SPHK2: variants seen among roughly 807,000 people sequenced by gnomAD.
The protein encoded by SPHK2 is sphingosine kinase 2.
SPHK2 carries 18 observed loss-of-function variants against 32.3 expected under a neutral mutation model. The ratio of observed to expected loss-of-function variants is 0.56; its 90% CI spans 0.39 to 0.83. The LOEUF (loss-of-function observed/expected upper bound fraction) is 0.83. Ranked by LOEUF, SPHK2 falls within the 40% of genes least tolerant of loss-of-function variation. SPHK2 has a pLI of 0.00. For synonymous variants in SPHK2, 462 were observed against 417.6 expected (o/e 1.11, Z -1.30); for missense variants, 850 against 908.7 (o/e 0.94, Z 0.83).
rs369764720 is a variant in SPHK2, at chr19:48,629,292, C to T, written c.1484C>T (p.Pro495Leu). The T allele has an allele frequency of 2.5e-6, 4 of 1,613,512 alleles. No individual in the cohort carries two copies. Among genetic ancestry groups the T allele is most frequent in the Admixed American group, 3.3e-5 (2 of 60,016 alleles). ...PVSEGAPVIP[P>L]SSGLPLPTPD... ...TCCGAAGGGGCCCCCGTAATTCCCC[C>T]ATCCTCTGGGCTCCCACTTCCCACC... The change falls in exon 7 of 7, where the codon CCA becomes CTA. Residue 495 changes from proline (P) to leucine (L), a missense_variant. Physicochemically the swap from Pro to Leu is moderately conservative, Grantham distance 98. Transcript: ENST00000245222.
chr19:48,624,870 G>C (rs1242902567), intron 2 of SPHK2: 2 of 978,114 alleles, frequency 2.0e-6, no homozygotes, highest in Non-Finnish European at 2.4e-6. Flanking sequence ...GTCCACAGGC[G>C]GTGGGGGGTG....
In SPHK2 at chr19:48,626,067, G is replaced by C; in HGVS notation, c.216G>C (p.Gln72His). ...GCTTTGCCCTCACCCTTACATCGCA[G>C]GCCCTGCACATACAGCGGCTGCGCC... ...GPRFALTLTSQALHIQRLRPK... is the reference protein window; with the variant it reads ...GPRFALTLTSHALHIQRLRPK... Residue 72 changes from glutamine (Q) to histidine (H), a missense_variant, in exon 3 of 7, where the codon CAG becomes CAC. Around this residue, in one of 2 missense-constraint regions of SPHK2, gnomAD observed 544 missense variants for 640.0 expected, o/e 0.85. Coordinates refer to ENST00000245222, the MANE Select transcript of SPHK2 (RefSeq NM_020126.5). The C allele has an allele frequency of 6.2e-7, 1 of 1,613,230 alleles. No individual in the cohort carries two copies. The highest frequency in any genetic ancestry group is 8.5e-7 in the Non-Finnish European group (1 of 1,179,796).
At position 48,627,725 on chromosome 19, in the gene SPHK2, G is replaced by C; in HGVS notation, c.545G>C (p.Arg182Pro). 6.2e-7 allele frequency: 1 copy of C among 1,611,256 alleles called. No homozygotes were observed. Among genetic ancestry groups the C allele is most frequent in the Non-Finnish European group, 8.5e-7 (1 of 1,178,498 alleles). The change falls in exon 4 of 7, where the codon CGG (arginine) becomes CCG (proline). Residue 182 changes from arginine to proline, a missense_variant. Arg to Pro is a moderately radical substitution (Grantham distance 103, BLOSUM62 -2). This residue lies in a region of SPHK2 where 544 missense variants were observed against 640.0 expected (regional missense o/e 0.85). Coordinates refer to ENST00000245222, the MANE Select transcript of SPHK2 (RefSeq NM_020126.5). Reference protein sequence around the residue: ...ITPDLLPRPPRLLLLVNPFGG... With the variant: ...ITPDLLPRPPPLLLLVNPFGG... ...CCTGACCTGCTACCTCGGCCGCCCC[G>C]GTTGCTTCTATTGGTCAATCCCTTT...
At chr19:48,621,215 G>A (rs556418093) in intron 2 of SPHK2, among the ~76,000 whole-genome samples, 2 of 152,306 alleles carry the variant, frequency 1.3e-5, no homozygotes, top group South Asian at 4.1e-4. Context: ...AAGTAGCTGG[G>A]ATTACAGGCA....
chr19:48,620,500 G>C lies in SPHK2; in HGVS notation c.-15G>C, dbSNP rs368265772. The C allele has an allele frequency of 6.2e-7, 1 of 1,612,498 alleles. No homozygotes were observed. The highest frequency in any genetic ancestry group is 1.7e-5 in the Admixed American group (1 of 59,806). ...GCCAGGGTCCCGTTGATGTAACAGA[G>C]CAGAGGACCAGCAGATGAATGGACA... On this transcript the variant is annotated 5_prime_UTR_variant, in exon 2 of 7. Transcript: ENST00000245222.
In SPHK2 at chr19:48,629,988, G is replaced by A. The variant is rs2030458025; in HGVS notation, c.*215G>A. The A allele has an allele frequency of 8.6e-6, 12 of 1,394,950 alleles. No homozygotes were observed. In the Admixed American group the frequency reaches 1.8e-4, roughly 21 times the overall value. 86.4% of individuals were successfully genotyped at this position (1,394,950 alleles called of 1,614,324 possible). A position where few individuals can be genotyped will look rare whatever the true frequency, so the allele number is the denominator to read the frequency against. On this transcript the variant is annotated 3_prime_UTR_variant, in exon 7 of 7. Coordinates refer to ENST00000245222, the MANE Select transcript of SPHK2 (RefSeq NM_020126.5). ...TGGGCTCGTCCCGAGGGTAGTGCCT[G>A]ATCAATGAGGGCGGGGCCTGGCGTC...
Position 48,625,926 on chromosome 19 carries a change from CGGGCCTA to C in SPHK2, c.78_84del (p.Pro27AlafsTer179). 1 of 1,611,618 alleles carries C rather than the reference CGGGCCTA, an allele frequency of 6.2e-7. No homozygotes were observed. The highest frequency in any genetic ancestry group is 1.1e-5 in the South Asian group (1 of 90,942). The stretch of plus-strand genomic sequence containing the variant: ...AGGAGCTGACCGGGAGCTGGGGCCA[CGGGCCTA>C]GGAGCACCCTGGTCAGGGCTAAGGC... On this transcript the variant is annotated frameshift_variant, in exon 3 of 7. Transcript: ENST00000245222. LOFTEE classifies it high-confidence loss of function.
Position 48,630,066 on chromosome 19 carries a change from G to A in SPHK2, c.*293G>A. 2 of 1,286,362 alleles carry A rather than the reference G, an allele frequency of 1.6e-6. No homozygotes were observed. The highest frequency in any genetic ancestry group is 2.0e-6 in the Non-Finnish European group (2 of 1,017,448). The allele number at this position is 1,286,362 out of a possible 1,614,324, so 79.7% of individuals were successfully genotyped here. A position where few individuals can be genotyped will look rare whatever the true frequency, so the allele number is the denominator to read the frequency against. ...GGCTCAGTCCTGACGCTTGCCACCT[G>A]CTCCTACCCGGCCAGGATGGCTGAG... On this transcript the variant is annotated 3_prime_UTR_variant, in exon 7 of 7. Transcript: ENST00000245222. The surrounding 1 kb of genome is among the most constrained non-coding windows in gnomAD (Gnocchi z 4.9).
In SPHK2 at chr19:48,626,035, G is replaced by A. The variant is rs752828820; in HGVS notation, c.184G>A (p.Gly62Ser). The change falls in exon 3 of 7, where the codon GGC (glycine) becomes AGC (serine). Residue 62 changes from glycine to serine, a missense_variant. This residue lies in a region of SPHK2 where 544 missense variants were observed against 640.0 expected (regional missense o/e 0.85). Transcript: ENST00000245222. ...CGAGTTTGGCTCCTACCCAGCCCGAGGCCCACGCTTTGCCCTCACCCTTAC... is the reference window on the plus strand; with the variant it reads ...CGAGTTTGGCTCCTACCCAGCCCGAAGCCCACGCTTTGCCCTCACCCTTAC... ...HGEFGSYPAR[G>S]PRFALTLTSQ... The A allele has an allele frequency of 9.1e-5, 147 of 1,613,370 alleles. No homozygotes were observed. Among genetic ancestry groups the A allele is most frequent in the Middle Eastern group, 8.2e-4 (5 of 6,084 alleles).
intron 2 of SPHK2, 190 bp downstream of exon 2, chr19:48,620,743 G>A (rs1206225523): frequency 9.1e-6 from 5 of 548,576 alleles, no homozygotes; most frequent in Admixed American, 6.6e-5. Flanking sequence ...GGCCAACATG[G>A]TGAAACCCCA....
At chr19:48,620,618 T>TAAAA (rs34009920) in intron 2 of SPHK2, 65 bp downstream of exon 2, 334 of 1,025,764 alleles carry the variant, frequency 3.3e-4, no homozygotes, top group East Asian at 4.3e-4. Context: ...AGCTTTTCTT[T>TAAAA]AAAAAAAAAA....
Position 48,629,793 on chromosome 19 carries a change from C to T in SPHK2, c.*20C>T, listed in dbSNP as rs1327535869. ...CCCTGAAACTAAACAAGCTTGGTAC[C>T]CGCCGGGGGCGGGGCCTACATTCCA... On this transcript the variant is annotated 3_prime_UTR_variant, in exon 7 of 7. Coordinates refer to ENST00000245222, the MANE Select transcript of SPHK2 (RefSeq NM_020126.5). The T allele has an allele frequency of 4.6e-6, 7 of 1,538,096 alleles. No individual in the cohort carries two copies. The highest frequency in any genetic ancestry group is 1.4e-5 in the African/African-American group (1 of 72,766).
rs1974615063 is a variant in SPHK2 at position 48,626,223 on chromosome 19, G to T, written c.372G>T (p.Arg124=). 6.3e-7 allele frequency: 1 copy of T among 1,595,770 alleles called. No individual in the cohort carries two copies. The highest frequency in any genetic ancestry group is 8.5e-7 in the Non-Finnish European group (1 of 1,176,696). Residue 124 remains arginine, a synonymous_variant, in exon 3 of 7, where the codon CGG becomes CGT. Coordinates refer to ENST00000245222, the MANE Select transcript of SPHK2 (RefSeq NM_020126.5). ...YFCIYTYPRG[R]RGARRRATRT... is the part of the protein sequence containing the mutation. ...GCATCTACACCTACCCTCGGGGCCG[G>T]CGCGGGGCCCGGCGCAGAGCCACTC...
chr19:48,629,674 C>A lies in SPHK2; in HGVS notation c.1866C>A (p.Asp622Glu). The change falls in exon 7 of 7, where the codon GAC becomes GAA. Residue 622 changes from aspartate to glutamate, a missense_variant. Physicochemically the swap from Asp to Glu is conservative, Grantham distance 45. Transcript: ENST00000245222. ...CACCACGCGGCGTGCTCACAGTGGA[C>A]GGGGAGCAGGTGGAGTATGGGCCGC... ...PLTPRGVLTV[D>E]GEQVEYGPLQ... 6.2e-7 allele frequency: 1 copy of A among 1,607,278 alleles called. No homozygotes were observed. Among genetic ancestry groups the A allele is most frequent in the South Asian group, 1.1e-5 (1 of 90,126 alleles).
At chr19:48,627,565 C>T in intron 3 of SPHK2, 127 bp from the exon 4 acceptor site, 1 of 1,172,292 alleles carries the variant, frequency 8.5e-7, no homozygotes, top group East Asian at 2.4e-5. Context: ...TAGGCCTGGC[C>T]ACATGAGAGC....
At position 48,629,529 on chromosome 19, in the gene SPHK2, G is replaced by T; in HGVS notation, c.1721G>T (p.Gly574Val). 3 of 1,604,442 alleles carry T rather than the reference G, an allele frequency of 1.9e-6. No homozygotes were observed. The highest frequency in any genetic ancestry group is 2.5e-6 in the Non-Finnish European group (3 of 1,176,926). Residue 574 changes from glycine to valine, a missense_variant, in exon 7 of 7, where the codon GGC (glycine) becomes GTC (valine). By Grantham distance (109) the Gly-to-Val change is moderately radical (BLOSUM62 -3). Coordinates refer to ENST00000245222, the MANE Select transcript of SPHK2 (RefSeq NM_020126.5). ...GLVHLCWVRS[G>V]ISRAALLRLF... is the part of the protein sequence containing the mutation. Reference sequence around the variant, plus strand: ...GTGCACCTGTGCTGGGTGCGTAGCGGCATCTCGCGGGCTGCGCTGCTGCGC... The same window carrying T: ...GTGCACCTGTGCTGGGTGCGTAGCGTCATCTCGCGGGCTGCGCTGCTGCGC...
rs1486393409 is a variant in SPHK2 at position 48,629,936 on chromosome 19, G to T, written c.*163G>T. ...ATGGGACCAGACGTGATGCTGGAAG[G>T]TGGGCGTCGTCACGGTTAAAGAGAA... On this transcript the variant is annotated 3_prime_UTR_variant, in exon 7 of 7. Coordinates refer to ENST00000245222, the MANE Select transcript of SPHK2 (RefSeq NM_020126.5). 9.9e-6 allele frequency: 14 copies of T among 1,419,146 alleles called. No homozygotes were observed. The highest frequency in any genetic ancestry group is 1.1e-5 in the Non-Finnish European group (12 of 1,090,192). 87.9% of individuals were successfully genotyped at this position (1,419,146 alleles called of 1,614,324 possible).
Position 48,628,642 on chromosome 19 carries a change from TC to T in SPHK2, c.873-37del. ...GTCTCTTTCCCCAACCCCTGTTTGC[TC>T]CTTCCTTCTGTGTGTCCGTCCATCT... On this transcript the variant is annotated intron_variant, in intron 6 of 6. Transcript: ENST00000245222. This position sits in a 1 kb window ranked among gnomAD's most constrained non-coding sequence, Gnocchi z 5.2. The T allele has an allele frequency of 1.0e-5, 16 of 1,597,386 alleles. No individual in the cohort carries two copies. The highest frequency in any genetic ancestry group is 1.4e-5 in the Non-Finnish European group (16 of 1,174,764).
At position 48,620,422 on chromosome 19, in the gene SPHK2, C is replaced by T; in HGVS notation, c.-93C>T. 6 of 1,105,180 alleles carry T rather than the reference C, an allele frequency of 5.4e-6. 1 individual carries two copies. Among genetic ancestry groups the T allele is most frequent in the Non-Finnish European group, 5.4e-6 (4 of 745,166 alleles). 68.5% of individuals were successfully genotyped at this position (1,105,180 alleles called of 1,614,324 possible). ...CACAGAGCTGAAGGTCAGGCCAGGACAGTGAGACCTGACTCCTTGCTCCTA... is the reference window on the plus strand; with the variant it reads ...CACAGAGCTGAAGGTCAGGCCAGGATAGTGAGACCTGACTCCTTGCTCCTA... On this transcript the variant is annotated 5_prime_UTR_variant, in exon 2 of 7. Transcript: ENST00000245222.
Sources: gnomAD v4.1 joint callset for allele counts (sites outside exome capture counted in the v4.1 genomes callset) on GRCh38, gnomAD v4.1.1 for gene constraint, gnomAD v4.1.1 regional missense constraint, Gnocchi (gnomAD v3.1) non-coding constraint, MANE v1.5 for transcripts, NCBI Gene and HGNC (gene_info 2026-07-23, HGNC 2026-07-21) for gene names.